The following CSMD1 variants were observed in gnomAD, a reference collection of about 807,000 sequenced individuals.
The protein encoded by CSMD1 is CUB and Sushi multiple domains 1, also known as CUB and sushi domain-containing protein 1.
Under a neutral mutation model 417.5 loss-of-function variants are expected in CSMD1, and 213 were observed. The ratio of observed to expected loss-of-function variants is 0.51; its 90% CI spans 0.46 to 0.57. The LOEUF is 0.57. Among genes scored for constraint, CSMD1 ranks in the 20% least tolerant of loss-of-function variants. The pLI is 0.00. For missense variants in CSMD1, 6,923 were observed against 4,529.7 expected (o/e 1.53, Z -15.17); for synonymous variants, 2,862 against 1,736.8 (o/e 1.65, Z -16.11).
chr8:3,470,206 A>T (rs1275885401), intron 11 of CSMD1, among the ~76,000 whole-genome samples: 6 of 152,170 alleles, frequency 3.9e-5, no homozygotes, highest in African/African-American at 7.2e-5. Flanking sequence ...ATCATACTAT[A>T]TATAACATTT....
intron 2 of CSMD1, among the ~76,000 whole-genome samples, chr8:4,617,721 C>T (rs73504887): frequency 0.1 from 15,595 of 152,134 alleles, 1,561 homozygotes; most frequent in African/African-American, 0.25. Context: ...CCACTTATTA[C>T]CTACCCCAAC....
chr8:3,919,825 T>A lies in CSMD1; in HGVS notation c.818+78078A>T, dbSNP rs1323728967. Among the ~76,000 whole-genome samples, 3 of 152,118 alleles carry A rather than the reference T, an allele frequency of 2.0e-5. No homozygotes were observed. The East Asian group carries it at 5.8e-4, about 29-fold the overall frequency. On this transcript the variant is annotated intron_variant, in intron 5 of 69. Coordinates refer to ENST00000635120, the MANE Select transcript of CSMD1 (RefSeq NM_033225.6). ...TTTTCTTCATAAATATTGTATAATT[T>A]TCAGTGTACAGATCATTCACCTCCT...
At chr8:3,875,523 C>A (rs1390849260) in intron 5 of CSMD1, among the ~76,000 whole-genome samples, 1 of 152,118 alleles carries the variant, frequency 6.6e-6, no homozygotes, top group East Asian at 1.9e-4. Flanking sequence ...GGGGAGGAAG[C>A]AGCCGGCATG....
intron 1 of CSMD1, among the ~76,000 whole-genome samples, chr8:4,822,369 T>A (rs1012446348): frequency 2.0e-5 from 3 of 152,136 alleles, no homozygotes; most frequent in Non-Finnish European, 1.5e-5. Flanking sequence ...ATGTGTTCAT[T>A]GCTTTATTTG....
At chr8:4,485,879 G>A (rs1384155734) in intron 2 of CSMD1, among the ~76,000 whole-genome samples, 1 of 151,980 alleles carries the variant, frequency 6.6e-6, no homozygotes, top group East Asian at 1.9e-4. Flanking sequence ...ATTTCACTCT[G>A]ACCAGGGAGT....
At chr8:3,729,850 G>A (rs1305154166) in intron 6 of CSMD1, among the ~76,000 whole-genome samples, 1 of 140,648 alleles carries the variant, frequency 7.1e-6, no homozygotes, top group Admixed American at 7.6e-5. Flanking sequence ...CATATTCCAT[G>A]TATTGAAGCA....
At chr8:4,342,229 GTGTC>G (rs1563074058) in intron 3 of CSMD1, among the ~76,000 whole-genome samples, 2 of 22,320 alleles carry the variant, frequency 9.0e-5, no homozygotes, top group South Asian at 7.5e-4. Context: ...GTGTGTGTGT[GTGTC>G]TGTGTGTGTG....
intron 3 of CSMD1, among the ~76,000 whole-genome samples, chr8:4,073,369 G>A (rs940086742): frequency 3.3e-5 from 5 of 152,196 alleles, no homozygotes; most frequent in South Asian, 2.1e-4. Context: ...GAGCAAGGTC[G>A]TACTTAATGA....
chr8:4,113,229 A>C, intron 3 of CSMD1, among the ~76,000 whole-genome samples: 1 of 152,178 alleles, frequency 6.6e-6, no homozygotes, highest in East Asian at 1.9e-4. Flanking sequence ...AGTGGCTCCT[A>C]TGTGTTCAAT....
At chr8:3,035,422 C>T (rs975165901) in intron 50 of CSMD1, among the ~76,000 whole-genome samples, 2 of 152,232 alleles carry the variant, frequency 1.3e-5, no homozygotes, top group Admixed American at 1.3e-4. Context: ...AGGCTCACCC[C>T]AACCAAGCCA....
chr8:4,044,525 A>T (rs1286241162), intron 3 of CSMD1, among the ~76,000 whole-genome samples: 2 of 152,162 alleles, frequency 1.3e-5, no homozygotes, highest in Non-Finnish European at 2.9e-5. Flanking sequence ...AGTCAGGAGG[A>T]GCAGGACACT....
chr8:4,652,747 T>C (rs996137336), intron 1 of CSMD1, among the ~76,000 whole-genome samples: 2 of 152,174 alleles, frequency 1.3e-5, no homozygotes, highest in Admixed American at 1.3e-4. Flanking sequence ...CCAGGCTTTT[T>C]GGCACCAGGG....
intron 1 of CSMD1, among the ~76,000 whole-genome samples, chr8:4,715,346 G>C (rs1045743025): frequency 5.9e-5 from 9 of 152,106 alleles, no homozygotes; most frequent in African/African-American, 2.2e-4. Flanking sequence ...AATTTACAAA[G>C]CAATGCTTCA....
chr8:3,525,068 A>G (rs531600779), intron 10 of CSMD1, among the ~76,000 whole-genome samples: 1 of 152,268 alleles, frequency 6.6e-6, no homozygotes, highest in African/African-American at 2.4e-5. Context: ...TCTATCTGAA[A>G]AGCCAACTAA....
At chr8:4,463,948 A>G (rs1799994896) in intron 2 of CSMD1, among the ~76,000 whole-genome samples, 1 of 152,178 alleles carries the variant, frequency 6.6e-6, no homozygotes, top group Non-Finnish European at 1.5e-5. Context: ...GGACTAGAGA[A>G]CAGAGCGCAA....
chr8:3,642,291 A>G (rs1736977659), intron 7 of CSMD1, among the ~76,000 whole-genome samples: 5 of 152,190 alleles, frequency 3.3e-5, no homozygotes, highest in Admixed American at 3.3e-4. Context: ...TCACTGTGAA[A>G]AAGAGATCAG....
At chr8:4,594,373 T>C (rs1320720572) in intron 2 of CSMD1, among the ~76,000 whole-genome samples, 1 of 151,866 alleles carries the variant, frequency 6.6e-6, no homozygotes, top group African/African-American at 2.4e-5. Flanking sequence ...CTAATTTTTG[T>C]ATTATTAGTA....
intron 9 of CSMD1, among the ~76,000 whole-genome samples, chr8:3,584,491 C>T (rs1038758660): frequency 3.3e-5 from 5 of 152,134 alleles, no homozygotes; most frequent in Non-Finnish European, 5.9e-5. Context: ...ATGTCTCCAC[C>T]TTCAGCCTGG....
intron 12 of CSMD1, among the ~76,000 whole-genome samples, chr8:3,428,694 T>A (rs1179763766): frequency 1.3e-5 from 2 of 152,168 alleles, no homozygotes; most frequent in African/African-American, 4.8e-5. Flanking sequence ...CCAGTCATCC[T>A]ACTAGTGGGC....
Sources: allele counts gnomAD v4.1 joint callset (sites outside exome capture counted in the v4.1 genomes callset), GRCh38; gene constraint gnomAD v4.1.1; transcripts MANE v1.5; gene names NCBI Gene and HGNC (gene_info 2026-07-23, HGNC 2026-07-21).